ZNF469: variants seen among roughly 807,000 people sequenced by gnomAD.
ZNF469 encodes the protein zinc finger protein 469.
ZNF469 carries 1 observed loss-of-function variant against 1.0 expected under a neutral mutation model. That is an observed-to-expected ratio of 1.00 (90% CI 0.35 to 4.73). ZNF469 has a LOEUF of 4.73. ZNF469 is among the 30% of genes most tolerant of loss of function. The pLI is 0.16. For missense variants in ZNF469, 6,100 were observed against 5,356.3 expected (o/e 1.14, Z -4.33); for synonymous variants, 2,703 against 2,363.4 (o/e 1.14, Z -4.17).
chr16:88,104,631 CT>C, the ZNF469 span, among the ~76,000 whole-genome samples: 1 of 152,174 alleles, frequency 6.6e-6, no homozygotes, highest in Admixed American at 6.5e-5. Context: ...TTCCGGGGGC[CT>C]GTCCATGCAG....
chr16:88,385,682 C>G (rs1173959565), intron 1 of ZNF469, among the ~76,000 whole-genome samples: 1 of 151,892 alleles, frequency 6.6e-6, no homozygotes, highest in Non-Finnish European at 1.5e-5. Flanking sequence ...TGCCTGCCTC[C>G]TTGTCCAAAC....
chr16:88,314,540 G>C, the ZNF469 span, among the ~76,000 whole-genome samples: 264 of 147,506 alleles, frequency 1.8e-3, no homozygotes, highest in African/African-American at 6.3e-3. Flanking sequence ...CTGTGATTAT[G>C]ATGATGCTGG....
the ZNF469 span, among the ~76,000 whole-genome samples, chr16:88,163,846 G>A: frequency 1.1e-4 from 17 of 151,466 alleles, no homozygotes; most frequent in South Asian, 4.2e-4. Context: ...ATGTACAGAC[G>A]GATGAGTGGA....
the ZNF469 span, among the ~76,000 whole-genome samples, chr16:88,203,124 G>C: frequency 4.0e-4 from 61 of 152,278 alleles, no homozygotes; most frequent in Non-Finnish European, 7.2e-4. Flanking sequence ...GGGCAGGTCT[G>C]AAGCTCGGAG....
In ZNF469 at chr16:88,428,438, C is replaced by A; in HGVS notation, c.968C>A (p.Ala323Asp). ...GAGGAGGCCGTGGGCACGGGCCCTG[C>A]CTACCCGCTGCCCACCCAGCCTGCG... ...WPEEAVGTGP[A>D]YPLPTQPAPS... The change falls in exon 3 of 3, where the codon GCC (alanine) becomes GAC (aspartate). Residue 323 changes from alanine to aspartate, a missense_variant. Coordinates refer to ENST00000565624, the MANE Select transcript of ZNF469 (RefSeq NM_001367624.2). 1 of 1,548,190 alleles carries A rather than the reference C, an allele frequency of 6.5e-7. No homozygotes were observed. The highest frequency in any genetic ancestry group is 8.7e-7 in the Non-Finnish European group (1 of 1,146,766).
the ZNF469 span, among the ~76,000 whole-genome samples, chr16:88,239,707 ATATATATATTTTTTTT>A: frequency 1.9e-4 from 1 of 5,398 alleles, no homozygotes; most frequent in Non-Finnish European, 2.8e-4. Context: ...ATATATATAT[ATATATATATTTTTTTT>A]TTTTTTTTTT....
chr16:88,437,993 T>G lies in ZNF469; in HGVS notation c.10523T>G (p.Leu3508Arg). The G allele has an allele frequency of 6.5e-7, 1 of 1,548,982 alleles. No individual in the cohort carries two copies. The highest frequency in any genetic ancestry group is 1.2e-5 in the South Asian group (1 of 84,058). The change falls in exon 3 of 3, where the codon CTG (leucine) becomes CGG (arginine). Residue 3508 changes from leucine (L) to arginine (R), a missense_variant. Coordinates refer to ENST00000565624, the MANE Select transcript of ZNF469 (RefSeq NM_001367624.2). ...PILSEGSLPA[L>R]LHLCSEVAPS... Reference sequence around the variant, plus strand: ...CTGAGTGAGGGCTCTCTCCCGGCCCTGCTCCACCTGTGTTCGGAGGTGGCT... The same window carrying G: ...CTGAGTGAGGGCTCTCTCCCGGCCCGGCTCCACCTGTGTTCGGAGGTGGCT...
chr16:88,101,603 C>T, the ZNF469 span, among the ~76,000 whole-genome samples: 6 of 151,902 alleles, frequency 3.9e-5, no homozygotes, highest in Admixed American at 2.6e-4. Context: ...CTGGGTGCCC[C>T]GGCCACCCAG....
At position 88,432,820 on chromosome 16, in the gene ZNF469, G is replaced by C; in HGVS notation, c.5350G>C (p.Asp1784His). 6.5e-7 allele frequency: 1 copy of C among 1,550,372 alleles called. No individual in the cohort carries two copies. Among genetic ancestry groups the C allele is most frequent in the South Asian group, 1.2e-5 (1 of 84,062 alleles). Residue 1784 changes from aspartate to histidine, a missense_variant, in exon 3 of 3, where the codon GAC becomes CAC. Asp to His is a moderately conservative substitution (Grantham distance 81). Coordinates refer to ENST00000565624, the MANE Select transcript of ZNF469 (RefSeq NM_001367624.2). ...GTTCCTCCCAGAGCCCGGCACAGCA[G>C]ACCAGCCCCACCGAGGGGCCCCTGC... is the stretch of plus-strand genomic sequence containing the variant. The part of the protein sequence containing the change: ...GGFLPEPGTA[D>H]QPHRGAPAPE...
chr16:88,297,108 G>A, the ZNF469 span, among the ~76,000 whole-genome samples: 1 of 152,252 alleles, frequency 6.6e-6, no homozygotes, highest in Non-Finnish European at 1.5e-5. Context: ...CCAAAACAGT[G>A]TCGCCACGCA....
chr16:88,121,396 G>A, the ZNF469 span, among the ~76,000 whole-genome samples: 1 of 152,188 alleles, frequency 6.6e-6, no homozygotes, highest in East Asian at 1.9e-4. Context: ...TGTCGCCAGC[G>A]CTGTGTCATG....
chr16:88,165,567 C>A, the ZNF469 span, among the ~76,000 whole-genome samples: 1 of 152,166 alleles, frequency 6.6e-6, no homozygotes, highest in Non-Finnish European at 1.5e-5. Context: ...ACTGCTCGGC[C>A]CTCTCTGTGG....
chr16:88,144,626 G>C, the ZNF469 span, among the ~76,000 whole-genome samples: 1 of 152,226 alleles, frequency 6.6e-6, no homozygotes, highest in Non-Finnish European at 1.5e-5. Context: ...TGATTCCAAA[G>C]CCTCTTTAAG....
chr16:88,229,259 G>T, the ZNF469 span, among the ~76,000 whole-genome samples: 1 of 152,346 alleles, frequency 6.6e-6, no homozygotes. Context: ...ATCTTGACAA[G>T]ACATGGCATT....
chr16:88,186,068 C>T, the ZNF469 span, among the ~76,000 whole-genome samples: 2 of 152,260 alleles, frequency 1.3e-5, no homozygotes, highest in Non-Finnish European at 2.9e-5. Context: ...CGTCAGGTAC[C>T]TACACTCTGA....
the ZNF469 span, among the ~76,000 whole-genome samples, chr16:88,222,621 G>C: frequency 4.6e-5 from 7 of 152,122 alleles, no homozygotes; most frequent in African/African-American, 1.7e-4. Flanking sequence ...GCTGGGCATG[G>C]TGGCACATGC....
the ZNF469 span, among the ~76,000 whole-genome samples, chr16:88,117,381 T>G: frequency 5.9e-5 from 9 of 152,148 alleles, no homozygotes; most frequent in African/African-American, 2.2e-4. Flanking sequence ...AAATAAAAGT[T>G]TTTTTACAAA....
intron 1 of ZNF469, among the ~76,000 whole-genome samples, chr16:88,408,595 C>G (rs1372957473): frequency 6.6e-6 from 1 of 152,028 alleles, no homozygotes; most frequent in Non-Finnish European, 1.5e-5. Context: ...CAGGAATGCC[C>G]TCCCAGACTG....
At chr16:88,412,376 C>T (rs1348330816) in intron 1 of ZNF469, among the ~76,000 whole-genome samples, 1 of 152,184 alleles carries the variant, frequency 6.6e-6, no homozygotes, top group African/African-American at 2.4e-5. Context: ...TGTGTGACCG[C>T]AGGCACCTCG....
Sources: gnomAD v4.1 joint callset for allele counts (sites outside exome capture counted in the v4.1 genomes callset) on GRCh38, gnomAD v4.1.1 for gene constraint, MANE v1.5 for transcripts, NCBI Gene and HGNC (gene_info 2026-07-23, HGNC 2026-07-21) for gene names.